RALGAPA2: variants seen among roughly 807,000 people sequenced by gnomAD.
RALGAPA2 encodes Ral GTPase activating protein catalytic subunit alpha 2.
In RALGAPA2, 139 loss-of-function variants were observed where a neutral mutation model predicts 230.4. The observed-to-expected ratio is 0.60, with a 90% CI of 0.53 to 0.69. The LOEUF is 0.69. Among genes scored for constraint, RALGAPA2 ranks in the 30% least tolerant of loss-of-function variants. RALGAPA2 has a pLI of 0.00. For missense variants in RALGAPA2, 2,163 were observed against 2,276.0 expected (o/e 0.95, Z 1.01); for synonymous variants, 847 against 837.8 (o/e 1.01, Z -0.19).
intron 37 of RALGAPA2, 86 bp from the exon 38 acceptor site, chr20:20,412,234 AT>A: frequency 6.5e-7 from 1 of 1,539,530 alleles, no homozygotes; most frequent in East Asian, 2.3e-5. Context: ...CCGTTGTGCA[AT>A]TTTTTCTGTG....
rs555050613 is a variant in RALGAPA2 at position 20,491,661 on chromosome 20, T to C, written c.5367+3456A>G. ...TGAATCACTCACATTCTGCTCTATATGCAAGTCTTTCCTTGACTGCTGACT... is the reference window on the plus strand; with the variant it reads ...TGAATCACTCACATTCTGCTCTATACGCAAGTCTTTCCTTGACTGCTGACT... On this transcript the variant is annotated intron_variant, in intron 36 of 39. Transcript: ENST00000202677. Among the ~76,000 whole-genome samples the C allele has an allele frequency of 7.2e-5, 11 of 152,322 alleles. No homozygotes were observed. The South Asian group carries it at 1.9e-3, about 26-fold the overall frequency.
In RALGAPA2 at chr20:20,583,173, A is replaced by G. The variant is rs759358478; in HGVS notation, c.2584T>C (p.Ser862Pro). ...TCACAGGTCTGCCATGGGCCCATGGACAGCTCTGCCTCATTGGTACAGCCC... is the reference window on the plus strand; with the variant it reads ...TCACAGGTCTGCCATGGGCCCATGGGCAGCTCTGCCTCATTGGTACAGCCC... ...TLGCTNEAEL[S>P]MGPWQTCEED... The change falls in exon 20 of 40, where the codon TCC becomes CCC. Residue 862 changes from serine to proline, a missense_variant. Physicochemically the swap from Ser to Pro is moderately conservative, Grantham distance 74. Transcript: ENST00000202677. 1.1e-5 allele frequency: 17 copies of G among 1,613,658 alleles called. No homozygotes were observed. Among genetic ancestry groups the G allele is most frequent in the Admixed American group, 1.7e-5 (1 of 59,978 alleles).
chr20:20,674,188 AAATAATAAT>A (rs72521913), intron 3 of RALGAPA2, among the ~76,000 whole-genome samples: 1,688 of 146,294 alleles, frequency 0.012, 32 homozygotes, highest in African/African-American at 0.039. Context: ...ACCCTGACTC[AAATAATAAT>A]AATAATAATA....
At chr20:20,465,965 T>C (rs2061412651) in intron 37 of RALGAPA2, among the ~76,000 whole-genome samples, 1 of 152,224 alleles carries the variant, frequency 6.6e-6, no homozygotes, top group Admixed American at 6.5e-5. Flanking sequence ...GCTGATAATA[T>C]ACAACAATTG....
Position 20,691,629 on chromosome 20 carries a change from C to T in RALGAPA2, c.107-10828G>A, listed in dbSNP as rs1037765416. Among the ~76,000 whole-genome samples the T allele has an allele frequency of 7.9e-5, 12 of 152,228 alleles. No individual in the cohort carries two copies. In the South Asian group the frequency reaches 1.7e-3, roughly 21 times the overall value. ...GACACAGTGCTAAGGAGTTCCACAC[C>T]GCTAATCCAATGGCCAATTTTCACT... On this transcript the variant is annotated intron_variant, in intron 1 of 39. Coordinates refer to ENST00000202677, the MANE Select transcript of RALGAPA2 (RefSeq NM_020343.4).
At position 20,462,557 on chromosome 20, in the gene RALGAPA2, G is replaced by A. The variant is rs189028625; in HGVS notation, c.5495+10272C>T. Among the ~76,000 whole-genome samples, 216 of 152,222 alleles carry A rather than the reference G, an allele frequency of 1.4e-3. 1 individual carries two copies. The highest frequency in any genetic ancestry group is 4.9e-3 in the African/African-American group (203 of 41,524). On this transcript the variant is annotated intron_variant, in intron 37 of 39. Coordinates refer to ENST00000202677, the MANE Select transcript of RALGAPA2 (RefSeq NM_020343.4). Reference sequence around the variant, plus strand: ...ATGTATCTGAAGCACAAAATTCAAAGTACCCCTTTTAGAGTGTGGTAAAAT... The same window carrying A: ...ATGTATCTGAAGCACAAAATTCAAAATACCCCTTTTAGAGTGTGGTAAAAT...
chr20:20,419,217 G>A (rs991548105), intron 37 of RALGAPA2, among the ~76,000 whole-genome samples: 3 of 152,242 alleles, frequency 2.0e-5, no homozygotes, highest in Non-Finnish European at 4.4e-5. Flanking sequence ...GTACCGGGAC[G>A]TGTTTTAGTG....
intron 18 of RALGAPA2, among the ~76,000 whole-genome samples, chr20:20,589,058 T>G (rs6046947): frequency 6.6e-6 from 1 of 152,146 alleles, no homozygotes; most frequent in African/African-American, 2.4e-5. Flanking sequence ...TCCATTTTCA[T>G]GTTAATTTTT....
chr20:20,659,003 G>A (rs542742310), intron 3 of RALGAPA2, among the ~76,000 whole-genome samples: 5 of 152,220 alleles, frequency 3.3e-5, no homozygotes, highest in African/African-American at 1.2e-4. Flanking sequence ...CAGAGTGTGG[G>A]GAGCAACCCT....
At chr20:20,509,998 C>CA (rs902396682) in intron 33 of RALGAPA2, among the ~76,000 whole-genome samples, 1 of 152,072 alleles carries the variant, frequency 6.6e-6, no homozygotes, top group Non-Finnish European at 1.5e-5. Context: ...AGGTGATATG[C>CA]AAATAATAGT....
chr20:20,677,973 C>A (rs1258693921), intron 2 of RALGAPA2, among the ~76,000 whole-genome samples: 1 of 152,022 alleles, frequency 6.6e-6, no homozygotes, highest in African/African-American at 2.4e-5. Context: ...ACTCCAGCTG[C>A]TCTTTTGACA....
intron 37 of RALGAPA2, among the ~76,000 whole-genome samples, chr20:20,429,335 C>T (rs1569392824): frequency 6.6e-6 from 1 of 152,212 alleles, no homozygotes; most frequent in East Asian, 1.9e-4. Flanking sequence ...AATCCACAAA[C>T]ATTGTTGTTT....
chr20:20,406,566 T>C (rs2059951112), intron 38 of RALGAPA2, among the ~76,000 whole-genome samples: 2 of 152,070 alleles, frequency 1.3e-5, no homozygotes, highest in African/African-American at 4.8e-5. Context: ...GGGTGCTGAG[T>C]GGGATGGCTG....
Position 20,573,055 on chromosome 20 carries a change from G to A in RALGAPA2, c.2721C>T (p.Cys907=), listed in dbSNP as rs1237838495. Residue 907 remains cysteine (C), a synonymous_variant, in exon 21 of 40, where the codon TGC becomes TGT. Transcript: ENST00000202677. ...DASNLTDSSE[C]LTDDCSIIAG... ...CGATTATACTACAGTCATCTGTGAGGCACTCGCTGCTATCTATGCAGAAAA... is the reference window on the plus strand; with the variant it reads ...CGATTATACTACAGTCATCTGTGAGACACTCGCTGCTATCTATGCAGAAAA... 20 of 1,604,874 alleles carry A rather than the reference G, an allele frequency of 1.2e-5. No homozygotes were observed. Among genetic ancestry groups the A allele is most frequent in the Non-Finnish European group, 1.7e-5 (20 of 1,175,410 alleles).
chr20:20,527,387 A>C (rs2063237411), intron 27 of RALGAPA2, among the ~76,000 whole-genome samples: 1 of 152,156 alleles, frequency 6.6e-6, no homozygotes, highest in African/African-American at 2.4e-5. Flanking sequence ...CTGGCCACAG[A>C]GACCTCACAT....
intron 1 of RALGAPA2, among the ~76,000 whole-genome samples, chr20:20,689,101 TA>T (rs1238237023): frequency 6.6e-6 from 1 of 152,240 alleles, no homozygotes; most frequent in Non-Finnish European, 1.5e-5. Flanking sequence ...GTCTCTATGT[TA>T]TGTAAGAAAA....
At chr20:20,611,542 G>T in intron 13 of RALGAPA2, 116 bp from the exon 14 acceptor site, 1 of 1,430,464 alleles carries the variant, frequency 7.0e-7, no homozygotes, top group Non-Finnish European at 9.2e-7. Context: ...TGTATTACTC[G>T]AAACTATTAA....
At chr20:20,570,467 T>C (rs2064591360) in intron 23 of RALGAPA2, among the ~76,000 whole-genome samples, 1 of 152,196 alleles carries the variant, frequency 6.6e-6, no homozygotes, top group South Asian at 2.1e-4. Flanking sequence ...AGTTAATAAA[T>C]GATTCAAGTT....
At chr20:20,421,752 T>A (rs1007910621) in intron 37 of RALGAPA2, among the ~76,000 whole-genome samples, 5 of 152,088 alleles carry the variant, frequency 3.3e-5, no homozygotes, top group Non-Finnish European at 7.4e-5. Context: ...AAAGTTAACA[T>A]ATTATCCAGC....
Sources: gnomAD v4.1 joint callset for allele counts (sites outside exome capture counted in the v4.1 genomes callset) on GRCh38, gnomAD v4.1.1 for gene constraint, MANE v1.5 for transcripts, NCBI Gene and HGNC (gene_info 2026-07-23, HGNC 2026-07-21) for gene names.